Variants in TAT observed in about 807,000 individuals in gnomAD.
TAT encodes the protein L-tyrosine:2-oxoglutarate aminotransferase.
In TAT, 35 loss-of-function variants were observed where a neutral mutation model predicts 53.6. That is an observed-to-expected ratio of 0.65 (90% CI 0.50 to 0.87). The LOEUF (loss-of-function observed/expected upper bound fraction) is 0.87, where lower values mean the gene tolerates loss of function less well. Ranked by LOEUF, TAT falls within the 40% of genes least tolerant of loss-of-function variation. The pLI is 0.00. For missense variants in TAT, 525 were observed against 571.8 expected (o/e 0.92, Z 0.83); for synonymous variants, 197 against 206.5 (o/e 0.95, Z 0.39).
intron 3 of TAT, among the ~76,000 whole-genome samples, chr16:71,574,808 C>G (rs1257042091): frequency 6.6e-6 from 1 of 152,116 alleles, no homozygotes; most frequent in African/African-American, 2.4e-5. Context: ...AAAAAGACAA[C>G]TTAGCAAGGC....
intron 3 of TAT, chr16:71,575,683 G>C: frequency 1.7e-6 from 1 of 573,444 alleles, no homozygotes; most frequent in Non-Finnish European, 3.1e-6. Flanking sequence ...AAGTATGTTT[G>C]GGAGCCTAGA....
At chr16:71,572,139 A>C in intron 6 of TAT, 47 bp downstream of exon 6, 5 of 1,613,496 alleles carry the variant, frequency 3.1e-6, no homozygotes, top group Non-Finnish European at 4.2e-6. Flanking sequence ...ACAACAGCTG[A>C]AGGATTCTGT....
chr16:71,570,756 C>T lies in TAT; in HGVS notation c.835G>A (p.Ala279Thr). 1 of 1,614,188 alleles carries T rather than the reference C, an allele frequency of 6.2e-7. No homozygotes were observed. The highest frequency in any genetic ancestry group is 8.5e-7 in the Non-Finnish European group (1 of 1,180,036). ...CAGCCAGGAACCAGCCAGCGCTTGG[C>T]CAGCCCTCCACAGGACAGGATGGGG... Reference protein sequence around the residue: ...DVPILSCGGLAKRWLVPGWRL... With the variant: ...DVPILSCGGLTKRWLVPGWRL... Residue 279 changes from alanine (A) to threonine (T), a missense_variant, in exon 8 of 12, where the codon GCC (alanine) becomes ACC (threonine). Coordinates refer to ENST00000355962, the MANE Select transcript of TAT (RefSeq NM_000353.3).
At chr16:71,568,307 C>G (rs1214575861) in intron 11 of TAT, 23 bp from the exon 12 acceptor site, 1 of 1,613,712 alleles carries the variant, frequency 6.2e-7, no homozygotes, top group Non-Finnish European at 8.5e-7. Flanking sequence ...GAGTCTGTTA[C>G]TTTCAGAGCA....
rs1487092178 is a variant in TAT, at chr16:71,576,246, C to G, written c.170G>C (p.Arg57Pro). 2 of 1,614,128 alleles carry G rather than the reference C, an allele frequency of 1.2e-6. No individual in the cohort carries two copies. The highest frequency in any genetic ancestry group is 8.5e-7 in the Non-Finnish European group (1 of 1,180,014). ...CACCTTCATGTTGTCCACAATGGCT[C>G]GGATGGGGTTGAAAGTTTTCTTGGC... ...DMAKKTFNPI[R>P]AIVDNMKVKP... The change falls in exon 2 of 12, where the codon CGA becomes CCA. Residue 57 changes from arginine (R) to proline (P), a missense_variant. By Grantham distance (103) the Arg-to-Pro change is moderately radical. Transcript: ENST00000355962.
chr16:71,569,759 T>G, intron 10 of TAT, 95 bp downstream of exon 10: 1 of 1,219,166 alleles, frequency 8.2e-7, no homozygotes, highest in Middle Eastern at 1.9e-4. Context: ...TGGTTGTCTT[T>G]GTACCCTGCG....
In TAT at chr16:71,568,099, A is replaced by G. The variant is rs2145228666; in HGVS notation, c.*45T>C. On this transcript the variant is annotated 3_prime_UTR_variant, in exon 12 of 12. Coordinates refer to ENST00000355962, the MANE Select transcript of TAT (RefSeq NM_000353.3). ...CCTGAGGAGCCGCAAGGCCTAGTCC[A>G]GCCTTCCCTAGATGGGACACATCCT... The G allele has an allele frequency of 1.2e-6, 2 of 1,613,610 alleles. No homozygotes were observed. Among genetic ancestry groups the G allele is most frequent in the South Asian group, 2.2e-5 (2 of 91,034 alleles).
At chr16:71,572,739 G>C (rs1189961506) in intron 4 of TAT, 51 bp from the exon 5 acceptor site, 10 of 1,608,436 alleles carry the variant, frequency 6.2e-6, no homozygotes, top group Non-Finnish European at 8.5e-6. Context: ...ACAGCAACAG[G>C]AGAAAAGAAG....
chr16:71,569,840 A>G lies in TAT; in HGVS notation c.1125+14T>C. On this transcript the variant is annotated intron_variant, in intron 10 of 11. Transcript: ENST00000355962. ...AACATGCATTGACCTAGTGCCTGCC[A>G]CCCACATACTCACCATGAGGTACAT... The G allele has an allele frequency of 6.2e-7, 1 of 1,612,604 alleles. No homozygotes were observed. The highest frequency in any genetic ancestry group is 8.5e-7 in the Non-Finnish European group (1 of 1,179,320).
rs1482719570 is a variant in TAT at position 71,568,133 on chromosome 16, T to C, written c.*11A>G. On this transcript the variant is annotated 3_prime_UTR_variant, in exon 12 of 12. Coordinates refer to ENST00000355962, the MANE Select transcript of TAT (RefSeq NM_000353.3). ...TAGATGGGACACATCCTCAGGAGAA[T>C]GGATGCAGGCCTATTTATCACACTC... 1 of 1,614,190 alleles carries C rather than the reference T, an allele frequency of 6.2e-7. No homozygotes were observed. The highest frequency in any genetic ancestry group is 1.7e-5 in the Admixed American group (1 of 60,022).
chr16:71,576,103 G>C (rs753988757), intron 2 of TAT, 77 bp from the exon 3 acceptor site: 19 of 1,605,712 alleles, frequency 1.2e-5, no homozygotes, highest in Non-Finnish European at 1.6e-5. Flanking sequence ...ACCCCCAACT[G>C]CCATCTTCTC....
Position 71,576,258 on chromosome 16 carries a change from A to C in TAT, c.158T>G (p.Phe53Cys). ...VRPSDMAKKTFNPIRAIVDNM... is the reference protein window; with the variant it reads ...VRPSDMAKKTCNPIRAIVDNM... ...GTCCACAATGGCTCGGATGGGGTTG[A>C]AAGTTTTCTTGGCCATGTCTGAGGG... The change falls in exon 2 of 12, where the codon TTC becomes TGC. Residue 53 changes from phenylalanine (F) to cysteine (C), a missense_variant. By Grantham distance (205) the Phe-to-Cys change is radical (BLOSUM62 -2). Coordinates refer to ENST00000355962, the MANE Select transcript of TAT (RefSeq NM_000353.3). 6.2e-7 allele frequency: 1 copy of C among 1,614,132 alleles called. No homozygotes were observed. Among genetic ancestry groups the C allele is most frequent in the Non-Finnish European group, 8.5e-7 (1 of 1,180,026 alleles).
At position 71,572,932 on chromosome 16, in the gene TAT, G is replaced by C. The variant is rs1349501915; in HGVS notation, c.409-244C>G. On this transcript the variant is annotated intron_variant, in intron 4 of 11. Coordinates refer to ENST00000355962, the MANE Select transcript of TAT (RefSeq NM_000353.3). ...TGTGACTCAGCAGACTTCCATGAGA[G>C]AGCATGCTGGCCTTGGACCTTTTTC... Among the ~76,000 whole-genome samples, 3 of 152,228 alleles carry C rather than the reference G, an allele frequency of 2.0e-5. No individual in the cohort carries two copies. In the East Asian group the frequency reaches 5.8e-4, roughly 29 times the overall value.
In TAT at chr16:71,576,036, G is replaced by A; in HGVS notation, c.236-10C>T. ...AACACAGTAGGGTCCCCTTTTTATG[G>A]GAGGAAAACACAAAAGGAGCCAAGA... On this transcript the variant is annotated splice_polypyrimidine_tract_variant and intron_variant, in intron 2 of 11. Coordinates refer to ENST00000355962, the MANE Select transcript of TAT (RefSeq NM_000353.3). 1 of 1,613,888 alleles carries A rather than the reference G, an allele frequency of 6.2e-7. No homozygotes were observed.
intron 2 of TAT, 40 bp from the exon 3 acceptor site, chr16:71,576,066 A>G (rs2044232940): frequency 1.9e-6 from 3 of 1,611,854 alleles, no homozygotes; most frequent in African/African-American, 2.7e-5. Flanking sequence ...CCAAGAGGTT[A>G]TTCTCCCATG....
At chr16:71,571,400 GA>G (rs2044202229) in intron 7 of TAT, among the ~76,000 whole-genome samples, 1 of 152,156 alleles carries the variant, frequency 6.6e-6, no homozygotes, top group Non-Finnish European at 1.5e-5. Context: ...GTAACCAAAT[GA>G]ATTCCAGGAA....
Position 71,570,363 on chromosome 16 carries a change from A to G in TAT, c.947T>C (p.Ile316Thr), listed in dbSNP as rs1467794510. ...RDGLVKLSQR[I>T]LGPCTIVQGA... ...CTGGACAATGGTACAGGGTCCCAAA[A>G]TGCGCTGACTCAGCTTCACCAGCCC... Residue 316 changes from isoleucine to threonine, a missense_variant, in exon 9 of 12, where the codon ATT (isoleucine) becomes ACT (threonine). Transcript: ENST00000355962. 5.6e-6 allele frequency: 9 copies of G among 1,614,046 alleles called. No homozygotes were observed. Among genetic ancestry groups the G allele is most frequent in the Non-Finnish European group, 7.6e-6 (9 of 1,180,038 alleles).
At chr16:71,571,753 T>A in intron 6 of TAT, 95 bp from the exon 7 acceptor site, 1 of 1,223,158 alleles carries the variant, frequency 8.2e-7, no homozygotes, top group Non-Finnish European at 1.2e-6. Flanking sequence ...CCCGTAATAT[T>A]AAGAAGTTAC....
chr16:71,569,522 G>C (rs969103660), intron 10 of TAT, among the ~76,000 whole-genome samples: 2 of 152,046 alleles, frequency 1.3e-5, no homozygotes, highest in Admixed American at 6.6e-5. Flanking sequence ...ATTTCTTGTA[G>C]AGACAATAGA....
Sources: allele counts gnomAD v4.1 joint callset (sites outside exome capture counted in the v4.1 genomes callset), GRCh38; gene constraint gnomAD v4.1.1; transcripts MANE v1.5; gene names NCBI Gene and HGNC (gene_info 2026-07-23, HGNC 2026-07-21).